PBRM1: variants seen among roughly 807,000 people sequenced by gnomAD.
The protein encoded by PBRM1 is polybromo 1.
A neutral mutation model predicts 194.5 loss-of-function variants in PBRM1; 27 were observed. That is an observed-to-expected ratio of 0.14 (90% CI 0.10 to 0.19). The LOEUF is 0.19. Ranked by LOEUF, PBRM1 falls within the 10% of genes least tolerant of loss-of-function variation. The probability of loss-of-function intolerance (pLI) is 1.00; values close to 1 mark genes in which losing one functional copy is unlikely to be tolerated. For missense variants in PBRM1, 1,466 were observed against 2,077.2 expected (o/e 0.71, Z 5.72); for synonymous variants, 655 against 693.2 (o/e 0.94, Z 0.87).
At chr3:52,575,180 G>A (rs1324155819) in intron 22 of PBRM1, among the ~76,000 whole-genome samples, 1 of 152,092 alleles carries the variant, frequency 6.6e-6, no homozygotes, top group Non-Finnish European at 1.5e-5. Flanking sequence ...TGGGATTAAA[G>A]GTGTGAGCCA....
intron 22 of PBRM1, among the ~76,000 whole-genome samples, chr3:52,566,076 A>C (rs1240900298): frequency 6.6e-6 from 1 of 152,174 alleles, no homozygotes; most frequent in Non-Finnish European, 1.5e-5. Context: ...AAACAAAAAA[A>C]ACACAATGCT....
In PBRM1 at chr3:52,566,929, C is replaced by T. The variant is rs570247010; in HGVS notation, c.3692-2696G>A. 6.6e-5 allele frequency among the ~76,000 whole-genome samples: 10 copies of T among 152,148 alleles called. No individual in the cohort carries two copies. In the South Asian group the frequency reaches 1.5e-3, roughly 22 times the overall value. ...ACTAAAAATACAAAAATTAGCCAGG[C>T]GTGGTAGCTTGCGCCTGTAATCCCA... On this transcript the variant is annotated intron_variant, in intron 22 of 29. Coordinates refer to ENST00000296302, the Ensembl canonical transcript of PBRM1.
intron 3 of PBRM1, among the ~76,000 whole-genome samples, chr3:52,665,064 T>C (rs1167948216): frequency 6.6e-6 from 1 of 152,076 alleles, no homozygotes; most frequent in African/African-American, 2.4e-5. Context: ...GGAACTACAA[T>C]CATACTGGCG....
At position 52,609,798 on chromosome 3, in the gene PBRM1, A is replaced by C; in HGVS notation, c.2082T>G (p.Pro694=). 1 of 1,613,000 alleles carries C rather than the reference A, an allele frequency of 6.2e-7. No individual in the cohort carries two copies. The change falls in exon 16 of 30, where the codon CCT becomes CCG. Residue 694 remains proline (P), a synonymous_variant. Transcript: ENST00000296302. This position sits in a 1 kb window ranked among gnomAD's most constrained non-coding sequence, Gnocchi z 4.1. ...GCTTTTTAATAGTCAGATAGTAGTCAGGCAACTCAGATCTAGAGGGAAGCC... is the reference window on the plus strand; with the variant it reads ...GCTTTTTAATAGTCAGATAGTAGTCCGGCAACTCAGATCTAGAGGGAAGCC...
intron 2 of PBRM1, among the ~76,000 whole-genome samples, chr3:52,671,479 A>G (rs2096948650): frequency 6.6e-6 from 1 of 152,228 alleles, no homozygotes; most frequent in African/African-American, 2.4e-5. Flanking sequence ...CTGCTACTCT[A>G]TACCACATAA....
chr3:52,570,718 G>C (rs2086782209), intron 22 of PBRM1, among the ~76,000 whole-genome samples: 1 of 152,200 alleles, frequency 6.6e-6, no homozygotes, highest in Non-Finnish European at 1.5e-5. Context: ...CGAACCAATA[G>C]ATCAATTTGG....
chr3:52,560,703 G>A (rs376633041), intron 25 of PBRM1: 2 of 152,090 alleles, frequency 1.3e-5, no homozygotes, highest in South Asian at 2.1e-4. Context: ...TTCTCAAACT[G>A]GTTTTGCCAC....
chr3:52,576,472 C>A, intron 22 of PBRM1, 69 bp downstream of exon 24: 1 of 1,236,814 alleles, frequency 8.1e-7, no homozygotes, highest in South Asian at 1.5e-5. Context: ...GAACAGTGCC[C>A]CACAGAAGTA....
At chr3:52,662,298 A>T in intron 3 of PBRM1, 22 bp from the exon 5 acceptor site, 1 of 1,575,738 alleles carries the variant, frequency 6.3e-7, no homozygotes, top group African/African-American at 1.4e-5. Flanking sequence ...CAAAGAGAAA[A>T]AAAAAAACAC....
intron 3 of PBRM1, among the ~76,000 whole-genome samples, chr3:52,668,080 G>A (rs1006112392): frequency 2.6e-5 from 4 of 152,186 alleles, no homozygotes; most frequent in African/African-American, 9.7e-5. Flanking sequence ...CAGATTGCTT[G>A]AGCCCAGGAG....
At chr3:52,685,859 C>T (rs1170218225), upstream of PBRM1, 3 of 517,340 alleles carry the variant, frequency 5.8e-6, no homozygotes, top group Non-Finnish European at 1.0e-5. Context: ...GCTGCCGTCG[C>T]TTCGGCACCC....
intron 4 of PBRM1, among the ~76,000 whole-genome samples, chr3:52,660,237 A>C (rs1033594909): frequency 2.0e-5 from 3 of 152,186 alleles, no homozygotes; most frequent in Admixed American, 1.3e-4. Context: ...CTGAAGGCCT[A>C]CACTAAGGGT....
intron 17 of PBRM1, among the ~76,000 whole-genome samples, chr3:52,592,711 G>A (rs1009015528): frequency 6.6e-6 from 1 of 152,124 alleles, no homozygotes; most frequent in African/African-American, 2.4e-5. Flanking sequence ...CAGTTATTTG[G>A]AACAGTTTCA....
chr3:52,575,533 TGAGACAGTCTTGCTCTGTCATCCAGGC>T (rs2089278440), intron 22 of PBRM1, among the ~76,000 whole-genome samples: 1 of 140,966 alleles, frequency 7.1e-6, no homozygotes, highest in Non-Finnish European at 1.6e-5. Flanking sequence ...TTTTTTTTTT[TGAGACAGTCTTGCTCTGTCATCCAGGC>T]TAGAGTGCAG....
At chr3:52,612,749 CA>C (rs2094705072) in intron 15 of PBRM1, among the ~76,000 whole-genome samples, 1 of 151,794 alleles carries the variant, frequency 6.6e-6, no homozygotes, top group African/African-American at 2.4e-5. Context: ...ATTAAAAATA[CA>C]AAAAAATTAG....
chr3:52,578,906 A>G (rs1056753584), intron 21 of PBRM1, 148 bp downstream of exon 23: 7 of 757,196 alleles, frequency 9.2e-6, no homozygotes, highest in African/African-American at 8.6e-5. Context: ...TAAGGAAGAA[A>G]GTGTGGTTGG....
At chr3:52,610,155 G>A (rs930210070) in intron 15 of PBRM1, among the ~76,000 whole-genome samples, 200 bp from the exon 18 acceptor site, 3 of 152,082 alleles carry the variant, frequency 2.0e-5, no homozygotes, top group African/African-American at 7.2e-5. Flanking sequence ...TTTTTGATGG[G>A]AGACTACTGT....
chr3:52,610,998 G>A (rs527763090), intron 15 of PBRM1, among the ~76,000 whole-genome samples: 1 of 152,268 alleles, frequency 6.6e-6, no homozygotes, highest in South Asian at 2.1e-4. Flanking sequence ...TATCAATAAG[G>A]ACAATAACTT....
chr3:52,608,071 C>T (rs533630664), intron 16 of PBRM1, among the ~76,000 whole-genome samples: 1 of 152,326 alleles, frequency 6.6e-6, no homozygotes, highest in Non-Finnish European at 1.5e-5. Context: ...ACATCACCAT[C>T]TTTACTAAAT....
Sources: gnomAD v4.1 joint callset for allele counts (sites outside exome capture counted in the v4.1 genomes callset) on GRCh38, gnomAD v4.1.1 for gene constraint, Gnocchi (gnomAD v3.1) non-coding constraint, MANE v1.5 for transcripts, NCBI Gene and HGNC (gene_info 2026-07-23, HGNC 2026-07-21) for gene names.